Variants in HTR4 observed in about 807,000 individuals in gnomAD.
HTR4 encodes 5-hydroxytryptamine (serotonin) receptor 4, G protein-coupled.
Under a neutral mutation model 36.8 loss-of-function variants are expected in HTR4, and 16 were observed. The observed-to-expected ratio is 0.43, with a 90% CI of 0.29 to 0.66. HTR4 has a LOEUF of 0.66. HTR4 is among the 30% of genes least tolerant of loss of function. The pLI is 0.13. For missense variants in HTR4, 438 were observed against 490.9 expected (o/e 0.89, Z 1.02); for synonymous variants, 189 against 185.1 (o/e 1.02, Z -0.17).
intron 2 of HTR4, among the ~76,000 whole-genome samples, chr5:148,552,747 T>C (rs1000238276): frequency 2.0e-5 from 3 of 152,256 alleles, no homozygotes; most frequent in Non-Finnish European, 4.4e-5. Flanking sequence ...TGACTTTTGT[T>C]ATCTTTTTCA....
intron 2 of HTR4, among the ~76,000 whole-genome samples, chr5:148,553,300 G>C (rs1236364758): frequency 6.6e-6 from 1 of 152,168 alleles, no homozygotes; most frequent in Admixed American, 6.5e-5. Context: ...GTCAGGGAAG[G>C]TTCAATGATA....
chr5:148,463,405 C>G (rs983097493), intron 5 of HTR4, among the ~76,000 whole-genome samples: 1 of 151,664 alleles, frequency 6.6e-6, no homozygotes, highest in South Asian at 2.1e-4. Flanking sequence ...TGGTCTCCAT[C>G]TCCTGACCTC....
At chr5:148,465,003 A>G (rs866581995) in intron 5 of HTR4, among the ~76,000 whole-genome samples, 1 of 152,208 alleles carries the variant, frequency 6.6e-6, no homozygotes, top group Non-Finnish European at 1.5e-5. Context: ...TTTCAAAAAT[A>G]TGACATTCTG....
At chr5:148,581,472 T>C (rs919269503) in intron 2 of HTR4, among the ~76,000 whole-genome samples, 25 of 152,092 alleles carry the variant, frequency 1.6e-4, no homozygotes, top group African/African-American at 5.8e-4. Flanking sequence ...TTTATGGATT[T>C]AGATCTTATG....
At chr5:148,560,227 AG>A (rs1760145304) in intron 2 of HTR4, among the ~76,000 whole-genome samples, 1 of 141,026 alleles carries the variant, frequency 7.1e-6, no homozygotes, top group Non-Finnish European at 1.5e-5. Context: ...AAAAAAAAAG[AG>A]GAGGATTAAA....
chr5:148,539,080 C>T lies in HTR4; in HGVS notation c.353+9588G>A, dbSNP rs531656553. Among the ~76,000 whole-genome samples, 48 of 152,260 alleles carry T rather than the reference C, an allele frequency of 3.2e-4. 1 individual carries two copies. The highest frequency in any genetic ancestry group is 1.1e-3 in the African/African-American group (46 of 41,546). Reference sequence around the variant, plus strand: ...GGTCAGAGATAAGACCACACACCTACAGCTATCTAATCTTTGACAAAGCTG... The same window carrying T: ...GGTCAGAGATAAGACCACACACCTATAGCTATCTAATCTTTGACAAAGCTG... On this transcript the variant is annotated intron_variant, in intron 4 of 6. Coordinates refer to ENST00000377888, the MANE Select transcript of HTR4 (RefSeq NM_000870.7).
At chr5:148,458,488 C>A (rs1482242751) in intron 5 of HTR4, among the ~76,000 whole-genome samples, 1 of 152,018 alleles carries the variant, frequency 6.6e-6, no homozygotes, top group Admixed American at 6.6e-5. Context: ...AAGATTATAG[C>A]TACAAGTAGT....
At chr5:148,556,036 A>T (rs986619640) in intron 2 of HTR4, among the ~76,000 whole-genome samples, 2 of 151,262 alleles carry the variant, frequency 1.3e-5, no homozygotes, top group Non-Finnish European at 2.9e-5. Context: ...TTATTTATTT[A>T]TTTTTGAGAC....
chr5:148,464,948 T>C (rs945959657), intron 5 of HTR4, among the ~76,000 whole-genome samples: 9 of 152,144 alleles, frequency 5.9e-5, no homozygotes, highest in East Asian at 1.9e-4. Context: ...TAAATGCATA[T>C]ACTAAGTGAA....
At chr5:148,558,339 G>A (rs1331372263) in intron 2 of HTR4, among the ~76,000 whole-genome samples, 1 of 152,056 alleles carries the variant, frequency 6.6e-6, no homozygotes, top group Non-Finnish European at 1.5e-5. Flanking sequence ...GGGCCTTAAC[G>A]TTCCACTCAG....
intron 4 of HTR4, among the ~76,000 whole-genome samples, chr5:148,541,789 G>A (rs188076194): frequency 1.6e-4 from 25 of 152,198 alleles, no homozygotes; most frequent in Admixed American, 1.4e-3. Flanking sequence ...GTTAACAAGG[G>A]CTTTCCTATG....
At chr5:148,525,560 C>G (rs1425517585) in intron 4 of HTR4, among the ~76,000 whole-genome samples, 1 of 152,102 alleles carries the variant, frequency 6.6e-6, no homozygotes, top group Non-Finnish European at 1.5e-5. Flanking sequence ...CAGAGGGATG[C>G]AAGGTGGGCA....
chr5:148,547,562 A>AAAATTAAAT (rs1554094301), intron 4 of HTR4, among the ~76,000 whole-genome samples: 1 of 138,922 alleles, frequency 7.2e-6, no homozygotes, highest in Non-Finnish European at 1.5e-5. Flanking sequence ...AAAATAAAAT[A>AAAATTAAAT]AAATAAATAA....
chr5:148,610,248 G>A (rs932977601), intron 2 of HTR4, among the ~76,000 whole-genome samples: 4 of 152,290 alleles, frequency 2.6e-5, no homozygotes, highest in East Asian at 1.9e-4. Flanking sequence ...CAGCCTGAGC[G>A]ACACAGAAGA....
intron 2 of HTR4, among the ~76,000 whole-genome samples, chr5:148,583,838 A>G (rs1402549705): frequency 6.6e-6 from 1 of 151,950 alleles, no homozygotes; most frequent in Non-Finnish European, 1.5e-5. Context: ...TTAATACCCC[A>G]AGGAGGGCTG....
At chr5:148,510,125 A>G (rs1198889773) in intron 5 of HTR4, 101 bp from the exon 6 acceptor site, 20 of 718,340 alleles carry the variant, frequency 2.8e-5, no homozygotes, top group South Asian at 2.4e-4. Flanking sequence ...AGAAAAGAAA[A>G]AGGGAAAAGG....
chr5:148,600,603 T>C (rs1761955549), intron 2 of HTR4, among the ~76,000 whole-genome samples: 1 of 151,326 alleles, frequency 6.6e-6, no homozygotes, highest in Non-Finnish European at 1.5e-5. Context: ...AAAAAACAAA[T>C]TAAGAAAACA....
At chr5:148,451,076 C>A in exon 6 of HTR4, 1 of 1,567,906 alleles carries the variant, frequency 6.4e-7, no homozygotes, top group Non-Finnish European at 8.7e-7. Flanking sequence ...TCAGCCCCTA[C>A]TACCTGATGC....
chr5:148,588,618 G>A lies in HTR4; in HGVS notation c.27-38356C>T, dbSNP rs868018413. On this transcript the variant is annotated intron_variant, in intron 2 of 6. Transcript: ENST00000377888. ...TGCAGTGGCGCAATCTCGGCTCACT[G>A]CAAGCTCCGCTTCCCGGGTTCACGC... Among the ~76,000 whole-genome samples, 1,283 of 140,116 alleles carry A rather than the reference G, an allele frequency of 9.2e-3. 15 individuals are homozygous for A. Among genetic ancestry groups the A allele is most frequent in the African/African-American group, 0.032 (1,214 of 37,558 alleles). 91.9% of individuals were successfully genotyped at this position (140,116 alleles called of 152,430 possible).
Sources: gnomAD v4.1 joint callset for allele counts (sites outside exome capture counted in the v4.1 genomes callset) on GRCh38, gnomAD v4.1.1 for gene constraint, MANE v1.5 for transcripts, NCBI Gene and HGNC (gene_info 2026-07-23, HGNC 2026-07-21) for gene names.